Variants in HORMAD2 observed in about 807,000 individuals in gnomAD.
HORMAD2 encodes the protein HORMA domain-containing protein 2.
Under a neutral mutation model 38.8 loss-of-function variants are expected in HORMAD2, and 45 were observed. That is an observed-to-expected ratio of 1.16 (90% CI 0.91 to 1.49). The LOEUF (loss-of-function observed/expected upper bound fraction) is 1.49. Among genes scored for constraint, HORMAD2 ranks in the 40% most tolerant of loss-of-function variants. The pLI is 0.00. For synonymous variants in HORMAD2, 126 were observed against 122.8 expected (o/e 1.03, Z -0.17); for missense variants, 338 against 367.0 (o/e 0.92, Z 0.65).
intron 10 of HORMAD2, among the ~76,000 whole-genome samples, chr22:30,148,634 C>T (rs1422700692): frequency 6.6e-6 from 1 of 152,140 alleles, no homozygotes; most frequent in East Asian, 1.9e-4. Context: ...AAACAACCTA[C>T]ATGTCCCTCA....
At chr22:30,133,279 T>C (rs1437186268) in intron 10 of HORMAD2, among the ~76,000 whole-genome samples, 2 of 152,198 alleles carry the variant, frequency 1.3e-5, no homozygotes, top group Middle Eastern at 3.4e-3. Flanking sequence ...AGATTATGCT[T>C]GTAACAAATC....
intron 1 of HORMAD2, among the ~76,000 whole-genome samples, chr22:30,090,660 A>G (rs2068665277): frequency 6.6e-6 from 1 of 152,186 alleles, no homozygotes; most frequent in Non-Finnish European, 1.5e-5. Context: ...TCCCACCAGC[A>G]ATGCATAAGG....
intron 1 of HORMAD2, among the ~76,000 whole-genome samples, chr22:30,091,254 CTCTCTTTCTTTCTTT>C (rs1170195171): frequency 0.034 from 4,681 of 138,190 alleles, 148 homozygotes; most frequent in African/African-American, 0.13. Flanking sequence ...CTCTTTCTTT[CTCTCTTTCTTTCTTT>C]TTTTTTTTTT....
chr22:30,140,243 A>G (rs565455717), intron 10 of HORMAD2, among the ~76,000 whole-genome samples: 3 of 152,166 alleles, frequency 2.0e-5, no homozygotes, highest in African/African-American at 7.2e-5. Flanking sequence ...CAGCCTGGGC[A>G]ACAAAGTGAG....
chr22:30,141,715 C>T (rs1303335689), intron 10 of HORMAD2, among the ~76,000 whole-genome samples: 1 of 151,830 alleles, frequency 6.6e-6, no homozygotes, highest in South Asian at 2.1e-4. Flanking sequence ...CTGCCTCAGC[C>T]TCCCAAGTAG....
chr22:30,203,056 C>A, the HORMAD2 span, among the ~76,000 whole-genome samples: 15 of 152,150 alleles, frequency 9.9e-5, no homozygotes, highest in African/African-American at 2.9e-4. Context: ...GAAAAAGGAA[C>A]CCCCTGTATG....
the HORMAD2 span, chr22:30,207,302 A>T: frequency 3.4e-6 from 1 of 291,892 alleles, no homozygotes; most frequent in African/African-American, 2.2e-5. Flanking sequence ...CCTCCCACAC[A>T]TGTCCGCATT....
chr22:30,119,727 T>C (rs1489940436), intron 8 of HORMAD2, among the ~76,000 whole-genome samples: 4 of 152,116 alleles, frequency 2.6e-5, no homozygotes, highest in Non-Finnish European at 5.9e-5. Context: ...AAGCTCTGGA[T>C]AGTAGAGGAA....
At chr22:30,090,503 A>G (rs925295481) in intron 1 of HORMAD2, among the ~76,000 whole-genome samples, 19 of 152,198 alleles carry the variant, frequency 1.2e-4, no homozygotes, top group Non-Finnish European at 2.6e-4. Context: ...GGCTATGAGC[A>G]TTGGTGTACA....
At chr22:30,158,681 CTCTT>C (rs1274450847) in intron 10 of HORMAD2, among the ~76,000 whole-genome samples, 1 of 145,586 alleles carries the variant, frequency 6.9e-6, no homozygotes, top group Non-Finnish European at 1.5e-5. Context: ...CTCCCCTTCT[CTCTT>C]TCTCTTTCTT....
At chr22:30,103,214 G>A (rs1237740452) in intron 3 of HORMAD2, among the ~76,000 whole-genome samples, 1 of 152,086 alleles carries the variant, frequency 6.6e-6, no homozygotes, top group Admixed American at 6.6e-5. Context: ...CATTGTAGAA[G>A]GGGGAAAATC....
At chr22:30,102,900 G>A (rs1315222022) in intron 3 of HORMAD2, among the ~76,000 whole-genome samples, 5 of 152,106 alleles carry the variant, frequency 3.3e-5, no homozygotes, top group African/African-American at 1.2e-4. Context: ...AAAGTGCTGG[G>A]ATTACAGGTG....
At chr22:30,146,144 T>C (rs574793032) in intron 10 of HORMAD2, among the ~76,000 whole-genome samples, 1 of 152,320 alleles carries the variant, frequency 6.6e-6, no homozygotes, top group East Asian at 1.9e-4. Flanking sequence ...ATCATCTCTA[T>C]AGATGCAGAA....
intron 10 of HORMAD2, among the ~76,000 whole-genome samples, chr22:30,156,978 T>A (rs1925117353): frequency 6.6e-6 from 1 of 152,224 alleles, no homozygotes; most frequent in African/African-American, 2.4e-5. Context: ...TTAGCCTTTT[T>A]TCTAAATTAA....
intron 5 of HORMAD2, among the ~76,000 whole-genome samples, chr22:30,107,110 G>A (rs1426674328): frequency 6.6e-6 from 1 of 152,164 alleles, no homozygotes; most frequent in African/African-American, 2.4e-5. Flanking sequence ...CAGACACTGT[G>A]CCTAAGCATT....
chr22:30,125,056 AAAT>A (rs1455271875), intron 10 of HORMAD2, among the ~76,000 whole-genome samples: 2 of 152,002 alleles, frequency 1.3e-5, no homozygotes, highest in African/African-American at 4.8e-5. Flanking sequence ...TGCTCATATT[AAAT>A]AGCTGTTCAT....
At chr22:30,138,552 C>A (rs960808692) in intron 10 of HORMAD2, among the ~76,000 whole-genome samples, 1 of 152,046 alleles carries the variant, frequency 6.6e-6, no homozygotes, top group Non-Finnish European at 1.5e-5. Context: ...AGATTCCTTA[C>A]CAGATATACA....
intron 2 of HORMAD2, among the ~76,000 whole-genome samples, chr22:30,097,324 A>G (rs578058267): frequency 1.3e-5 from 2 of 152,336 alleles, no homozygotes; most frequent in Admixed American, 6.5e-5. Context: ...ACAAATTCAT[A>G]TATCAGTCGC....
At chr22:30,107,589 A>T (rs1349835170) in intron 5 of HORMAD2, among the ~76,000 whole-genome samples, 1 of 151,876 alleles carries the variant, frequency 6.6e-6, no homozygotes, top group Non-Finnish European at 1.5e-5. Flanking sequence ...TCTCTGCTAT[A>T]AATACAAAAA....
Sources: gnomAD v4.1 joint callset for allele counts (sites outside exome capture counted in the v4.1 genomes callset) on GRCh38, gnomAD v4.1.1 for gene constraint, MANE v1.5 for transcripts, NCBI Gene and HGNC (gene_info 2026-07-23, HGNC 2026-07-21) for gene names.